The following CFAP47 variants were observed in gnomAD, a reference collection of about 807,000 sequenced individuals.
CFAP47 encodes cilia- and flagella-associated protein 47.
In CFAP47, 29 loss-of-function variants were observed where a neutral mutation model predicts 148.1. The observed-to-expected ratio is 0.20, with a 90% CI of 0.15 to 0.27. The LOEUF (loss-of-function observed/expected upper bound fraction) is 0.27. Ranked by LOEUF, CFAP47 falls within the 10% of genes least tolerant of loss-of-function variation. The pLI is 1.00. For synonymous variants in CFAP47, 664 were observed against 577.3 expected (o/e 1.15, Z -2.15); for missense variants, 1,872 against 1,697.5 (o/e 1.10, Z -1.81).
chrX:36,006,786 C>T (rs184173179), intron 21 of CFAP47, among the ~76,000 whole-genome samples: 1 of 111,945 alleles, frequency 8.9e-6, no homozygotes, highest in East Asian at 2.8e-4. Context: ...GGGCTACTAA[C>T]GTGTCTTCTT....
At chrX:36,382,806 A>AT (rs1250695039) in intron 63 of CFAP47, among the ~76,000 whole-genome samples, 1 of 111,189 alleles carries the variant, frequency 9.0e-6, no homozygotes, top group Non-Finnish European at 1.9e-5. Flanking sequence ...TCAATTTGGC[A>AT]TTTTTTGTGA....
At chrX:36,072,783 G>T (rs2047298155) in intron 28 of CFAP47, among the ~76,000 whole-genome samples, 1 of 111,333 alleles carries the variant, frequency 9.0e-6, no homozygotes, top group Non-Finnish European at 1.9e-5. Context: ...TTTCAGATGA[G>T]ATTAAATTTT....
rs778932338 is a variant in CFAP47, at chrX:36,065,626, A to G, written c.4218-17A>G. On this transcript the variant is annotated splice_polypyrimidine_tract_variant and intron_variant, in intron 26 of 63. Coordinates refer to ENST00000378653, the MANE Select transcript of CFAP47 (RefSeq NM_001304548.2). ...TGAAATTTTTATTGTATTGAAATGC[A>G]ATGTTTTCACTTTCAGGTTTTCACT... The G allele has an allele frequency of 6.6e-6, 7 of 1,068,271 alleles. No individual in the cohort carries two copies. In the East Asian group the frequency reaches 1.8e-4, roughly 28 times the overall value. 88.0% of individuals were successfully genotyped at this position (1,068,271 alleles called of 1,213,427 possible).
At chrX:36,003,861 A>G (rs1185408438) in intron 21 of CFAP47, among the ~76,000 whole-genome samples, 1 of 111,045 alleles carries the variant, frequency 9.0e-6, no homozygotes, top group Non-Finnish European at 1.9e-5. Context: ...CTATATATAG[A>G]AAATCACATA....
At chrX:36,181,926 A>G (rs1185147056) in intron 40 of CFAP47, among the ~76,000 whole-genome samples, 1 of 112,387 alleles carries the variant, frequency 8.9e-6, no homozygotes, top group African/African-American at 3.2e-5. Flanking sequence ...GCTGAGGCCC[A>G]AGTCCGTATG....
chrX:36,061,153 C>T (rs773126956), intron 26 of CFAP47, among the ~76,000 whole-genome samples: 2 of 110,853 alleles, frequency 1.8e-5, no homozygotes, highest in African/African-American at 3.3e-5. Flanking sequence ...GCATCTCCCA[C>T]TGCCCTCTCT....
At chrX:36,349,253 A>C (rs977457724) in intron 58 of CFAP47, among the ~76,000 whole-genome samples, 11 of 111,198 alleles carry the variant, frequency 9.9e-5, no homozygotes, top group Non-Finnish European at 2.1e-4. Flanking sequence ...AATGATCATA[A>C]ATTTTTTTAA....
At chrX:36,020,835 G>A (rs1937149579) in intron 22 of CFAP47, among the ~76,000 whole-genome samples, 1 of 111,139 alleles carries the variant, frequency 9.0e-6, no homozygotes, top group South Asian at 3.7e-4. Context: ...TGTTAAGTAA[G>A]GACTTACTTC....
At chrX:36,073,109 C>T (rs754922800) in intron 28 of CFAP47, 30 bp from the exon 29 acceptor site, 1 of 1,069,297 alleles carries the variant, frequency 9.4e-7, no homozygotes, top group Non-Finnish European at 1.3e-6. Flanking sequence ...GTCAAGTAGC[C>T]CTTTTTTAAC....
intron 48 of CFAP47, among the ~76,000 whole-genome samples, chrX:36,240,891 G>A (rs1408840549): frequency 9.0e-6 from 1 of 111,426 alleles, no homozygotes; most frequent in African/African-American, 3.3e-5. Context: ...AAAAAATGGG[G>A]AGGGGGACAA....
At chrX:36,259,458 G>A (rs1406172170) in intron 49 of CFAP47, among the ~76,000 whole-genome samples, 2 of 111,138 alleles carry the variant, frequency 1.8e-5, no homozygotes, top group African/African-American at 3.3e-5. Context: ...ATTGAAAAAT[G>A]CATGATTTCT....
intron 57 of CFAP47, 132 bp from the exon 58 acceptor site, chrX:36,347,997 A>T (rs1941712708): frequency 6.8e-6 from 2 of 295,882 alleles, no homozygotes; most frequent in Admixed American, 6.9e-5. Context: ...ATTTTGCATA[A>T]TGCGTTTTTT....
intron 39 of CFAP47, among the ~76,000 whole-genome samples, chrX:36,177,322 T>A (rs1273522432): frequency 5.3e-5 from 6 of 112,281 alleles, no homozygotes; most frequent in African/African-American, 1.9e-4. Context: ...TATTTGTGTG[T>A]CAAATTTTAT....
At chrX:36,191,859 T>G (rs1002638847) in intron 42 of CFAP47, among the ~76,000 whole-genome samples, 19 of 110,519 alleles carry the variant, frequency 1.7e-4, no homozygotes, top group African/African-American at 6.3e-4. Flanking sequence ...GGCACGCACC[T>G]GTAGTCCCAG....
At chrX:35,936,705 A>G (rs997582104) in intron 2 of CFAP47, among the ~76,000 whole-genome samples, 1 of 110,888 alleles carries the variant, frequency 9.0e-6, no homozygotes, top group African/African-American at 3.3e-5. Context: ...CCTATTTTGT[A>G]TGCTGTGGTT....
intron 19 of CFAP47, among the ~76,000 whole-genome samples, chrX:35,997,605 C>T (rs950815638): frequency 9.0e-6 from 1 of 111,417 alleles, no homozygotes; most frequent in Non-Finnish European, 1.9e-5. Context: ...GAATTTACCA[C>T]TGAATGTAAG....
chrX:36,292,501 C>A (rs782658600), intron 51 of CFAP47, among the ~76,000 whole-genome samples: 1 of 111,763 alleles, frequency 8.9e-6, no homozygotes, highest in Non-Finnish European at 1.9e-5. Context: ...ATGTTTTCTC[C>A]TCAGAAATAA....
chrX:36,111,081 T>A (rs749154244), intron 33 of CFAP47, among the ~76,000 whole-genome samples: 30 of 111,776 alleles, frequency 2.7e-4, no homozygotes, highest in Non-Finnish European at 4.9e-4. Flanking sequence ...TTCCTCCTAT[T>A]TGGATATCCT....
At chrX:36,362,044 T>G (rs1310090143) in intron 61 of CFAP47, among the ~76,000 whole-genome samples, 2 of 111,964 alleles carry the variant, frequency 1.8e-5, no homozygotes, top group Non-Finnish European at 3.8e-5. Context: ...TGGACACCTG[T>G]TACTCAGCAT....
Sources: gnomAD v4.1 joint callset for allele counts (sites outside exome capture counted in the v4.1 genomes callset) on GRCh38, gnomAD v4.1.1 for gene constraint, MANE v1.5 for transcripts, NCBI Gene and HGNC (gene_info 2026-07-23, HGNC 2026-07-21) for gene names.